The following FSTL4 variants were observed in gnomAD, a reference collection of about 807,000 sequenced individuals.
FSTL4 encodes follistatin-related protein 4.
In FSTL4, 28 loss-of-function variants were observed where a neutral mutation model predicts 78.2. The observed-to-expected ratio is 0.36, with a 90% CI of 0.27 to 0.49. The LOEUF is 0.49. Ranked by LOEUF, FSTL4 falls within the 20% of genes least tolerant of loss-of-function variation. The probability of loss-of-function intolerance (pLI) is 0.98; values close to 1 mark genes in which losing one functional copy is unlikely to be tolerated. For missense variants in FSTL4, 922 were observed against 1,084.9 expected (o/e 0.85, Z 2.11); for synonymous variants, 422 against 440.5 (o/e 0.96, Z 0.53).
intron 12 of FSTL4, among the ~76,000 whole-genome samples, chr5:133,217,773 G>A (rs1750962874): frequency 6.6e-6 from 1 of 152,062 alleles, no homozygotes; most frequent in Non-Finnish European, 1.5e-5. Context: ...CAGAGCTGAC[G>A]TTGTTCTCCC....
chr5:133,198,995 GT>G lies in FSTL4; in HGVS notation c.*99del. ...GTGTTGAACCACAAAGCGAGTACAG[GT>G]TTTTGCTTTTGTCTGTAAAAATGTA... is the stretch of plus-strand genomic sequence containing the variant. On this transcript the variant is annotated 3_prime_UTR_variant, in exon 16 of 16. Coordinates refer to ENST00000265342, the MANE Select transcript of FSTL4 (RefSeq NM_015082.2). 1 of 687,512 alleles carries G rather than the reference GT, an allele frequency of 1.5e-6. No individual in the cohort carries two copies. The highest frequency in any genetic ancestry group is 2.6e-5 in the South Asian group (1 of 38,144). 42.6% of individuals were successfully genotyped at this position (687,512 alleles called of 1,614,324 possible).
intron 14 of FSTL4, among the ~76,000 whole-genome samples, chr5:133,207,289 T>G (rs897885725): frequency 6.6e-6 from 1 of 152,256 alleles, no homozygotes; most frequent in Non-Finnish European, 1.5e-5. Flanking sequence ...GATCAGCTGT[T>G]CAGCACCTAC....
At chr5:133,291,446 C>T (rs1353561421) in intron 6 of FSTL4, among the ~76,000 whole-genome samples, 4 of 152,214 alleles carry the variant, frequency 2.6e-5, no homozygotes, top group Non-Finnish European at 5.9e-5. Context: ...ATTTTATCTA[C>T]AGCTGCCTCA....
intron 3 of FSTL4, among the ~76,000 whole-genome samples, chr5:133,453,306 C>T (rs546888086): frequency 4.6e-5 from 7 of 152,268 alleles, no homozygotes; most frequent in Admixed American, 3.3e-4. Context: ...ATAATTCCCA[C>T]GGTCTTCATA....
intron 4 of FSTL4, among the ~76,000 whole-genome samples, chr5:133,330,771 A>AG (rs1192374700): frequency 2.6e-5 from 4 of 152,224 alleles, no homozygotes; most frequent in Admixed American, 6.5e-5. Context: ...AGGTGGCTTT[A>AG]GGTCTGACAG....
At chr5:133,791,717 T>C in the FSTL4 span, among the ~76,000 whole-genome samples, 2 of 152,246 alleles carry the variant, frequency 1.3e-5, no homozygotes, top group African/African-American at 4.8e-5. Flanking sequence ...TGCAGCCTTG[T>C]CCATTCCTAT....
chr5:133,479,545 A>G (rs1326791988), intron 3 of FSTL4, among the ~76,000 whole-genome samples: 1 of 152,256 alleles, frequency 6.6e-6, no homozygotes, highest in Non-Finnish European at 1.5e-5. Context: ...ACAACATGGA[A>G]GAACCTCAAG....
chr5:133,782,785 TC>T, the FSTL4 span, among the ~76,000 whole-genome samples: 3 of 152,146 alleles, frequency 2.0e-5, no homozygotes, highest in African/African-American at 7.2e-5. Flanking sequence ...ATCCCTCAAG[TC>T]CCTGCCTGTT....
At chr5:133,250,025 G>T (rs1027539616) in intron 6 of FSTL4, among the ~76,000 whole-genome samples, 5 of 152,264 alleles carry the variant, frequency 3.3e-5, no homozygotes, top group African/African-American at 1.2e-4. Context: ...TCTGGGGTCA[G>T]TTTTAAAGGT....
intron 15 of FSTL4, among the ~76,000 whole-genome samples, chr5:133,200,111 T>C (rs1402536764): frequency 1.3e-5 from 2 of 152,234 alleles, no homozygotes; most frequent in African/African-American, 4.8e-5. Context: ...TTATGAACTG[T>C]TTCCCTGAGG....
At chr5:133,576,817 T>A (rs142461996) in intron 2 of FSTL4, among the ~76,000 whole-genome samples, 2,431 of 152,332 alleles carry the variant, frequency 0.016, 29 homozygotes, top group Middle Eastern at 0.054. Context: ...ACATCTAAGT[T>A]CTAAGTTTTT....
At chr5:133,615,647 T>G (rs914689947), upstream of FSTL4, among the ~76,000 whole-genome samples, 2 of 152,216 alleles carry the variant, frequency 1.3e-5, no homozygotes, top group Non-Finnish European at 2.9e-5. Context: ...TTCCTCTAAG[T>G]CTAATATTAA....
the FSTL4 span, among the ~76,000 whole-genome samples, chr5:133,710,687 T>C: frequency 1.3e-5 from 2 of 152,232 alleles, no homozygotes; most frequent in Non-Finnish European, 2.9e-5. Flanking sequence ...AGCATGACCC[T>C]GGCCTAGGCA....
rs1198025213 is a variant in FSTL4 at position 133,236,695 on chromosome 5, G to A, written c.895-3158C>T. On this transcript the variant is annotated intron_variant, in intron 7 of 15. Transcript: ENST00000265342. This position sits in a 1 kb window ranked among gnomAD's most constrained non-coding sequence, Gnocchi z 5.0. ...AGCCCCTCTCAGACCCTACTGCCTCGCACACTCCCCTTGCTGTTGCTCTAG... is the reference window on the plus strand; with the variant it reads ...AGCCCCTCTCAGACCCTACTGCCTCACACACTCCCCTTGCTGTTGCTCTAG... Among the ~76,000 whole-genome samples the A allele has an allele frequency of 2.6e-5, 4 of 152,100 alleles. No homozygotes were observed. The highest frequency in any genetic ancestry group is 2.1e-4 in the South Asian group (1 of 4,824).
At chr5:133,446,704 C>A (rs1253834956) in intron 3 of FSTL4, among the ~76,000 whole-genome samples, 3 of 152,238 alleles carry the variant, frequency 2.0e-5, no homozygotes, top group Non-Finnish European at 2.9e-5. Flanking sequence ...AGCCCCCTCC[C>A]AAAGTCTACA....
intron 3 of FSTL4, among the ~76,000 whole-genome samples, chr5:133,435,265 C>T (rs922656765): frequency 1.3e-5 from 2 of 152,128 alleles, no homozygotes; most frequent in African/African-American, 4.8e-5. Flanking sequence ...GTGATTTCTG[C>T]AGAACATGAA....
rs111564058 is a variant in FSTL4, at chr5:133,225,108, C to T, written c.1312+42G>A. On this transcript the variant is annotated intron_variant, in intron 10 of 15. Coordinates refer to ENST00000265342, the MANE Select transcript of FSTL4 (RefSeq NM_015082.2). The surrounding 1 kb of genome is among the most constrained non-coding windows in gnomAD (Gnocchi z 4.6). ...TGCCCTCCCTTGCCACCCAACACCT[C>T]CCAGCCAGCTCAGTGAGAAGCATAA... is the stretch of plus-strand genomic sequence containing the variant. 5.0e-6 allele frequency: 8 copies of T among 1,613,374 alleles called. No homozygotes were observed. Among genetic ancestry groups the T allele is most frequent in the African/African-American group, 2.7e-5 (2 of 75,034 alleles).
intron 2 of FSTL4, among the ~76,000 whole-genome samples, chr5:133,599,031 G>A (rs1760799981): frequency 6.6e-6 from 1 of 152,164 alleles, no homozygotes; most frequent in Admixed American, 6.5e-5. Flanking sequence ...ACGACCAGCT[G>A]TTCTTCCCCA....
rs190404701 is a variant in FSTL4 at position 133,270,266 on chromosome 5, G to A, written c.728-20690C>T. 7.4e-4 allele frequency: 112 copies of A among 152,226 alleles called. 1 individual carries two copies. The highest frequency in any genetic ancestry group is 2.6e-3 in the African/African-American group (109 of 41,534). 9.4% of individuals were successfully genotyped at this position (152,226 alleles called of 1,614,324 possible). ...TAAATCACCGTGTTGTCATTTTTAC[G>A]ATGCAGATCTAGCTATTGAGGCTAC... On this transcript the variant is annotated intron_variant, in intron 6 of 15. Coordinates refer to ENST00000265342, the MANE Select transcript of FSTL4 (RefSeq NM_015082.2).
Sources: allele counts gnomAD v4.1 joint callset (sites outside exome capture counted in the v4.1 genomes callset), GRCh38; gene constraint gnomAD v4.1.1; non-coding constraint Gnocchi (gnomAD v3.1); transcripts MANE v1.5; gene names NCBI Gene and HGNC (gene_info 2026-07-23, HGNC 2026-07-21).